Variants in SLC5A4 observed in about 807,000 individuals in gnomAD.
The protein encoded by SLC5A4 is solute carrier family 5 member 4, also known as probable glucose sensor protein SLC5A4.
Under a neutral mutation model 70.3 loss-of-function variants are expected in SLC5A4, and 55 were observed. The observed-to-expected ratio is 0.78, with a 90% CI of 0.63 to 0.98. The LOEUF is 0.98. Among genes scored for constraint, SLC5A4 ranks in the 50% least tolerant of loss-of-function variants. SLC5A4 has a pLI of 0.00. For missense variants in SLC5A4, 735 were observed against 839.2 expected, an observed-to-expected ratio of 0.88 and a Z score of 1.53; for synonymous variants, 268 against 305.7, an observed-to-expected ratio of 0.88 and a Z score of 1.29.
the SLC5A4 span, among the ~76,000 whole-genome samples, chr22:32,321,890 G>C: frequency 2.6e-5 from 4 of 152,360 alleles, no homozygotes; most frequent in East Asian, 7.7e-4. Flanking sequence ...GCCTATGGCA[G>C]AATGCATAGG....
At chr22:32,230,865 T>C (rs76519641) in intron 10 of SLC5A4, 103 bp downstream of exon 10, 21,704 of 704,554 alleles carry the variant, frequency 0.031, 531 homozygotes, top group African/African-American at 0.084. Context: ...GTCTGATGAG[T>C]TGGATTGAAT....
the SLC5A4 span, chr22:32,271,265 C>T: frequency 1.3e-6 from 1 of 770,810 alleles, no homozygotes; most frequent in Non-Finnish European, 2.3e-6. Flanking sequence ...ATGGACAGCT[C>T]CTTTGGAGAG....
chr22:32,241,773 ATATGTGTGTG>A (rs917647178), intron 5 of SLC5A4, among the ~76,000 whole-genome samples: 4 of 140,808 alleles, frequency 2.8e-5, no homozygotes, highest in African/African-American at 1.2e-4. Flanking sequence ...TTACATATAT[ATATGTGTGTG>A]TGTGTGTGTG....
At chr22:32,326,954 A>AC in the SLC5A4 span, among the ~76,000 whole-genome samples, 9 of 152,082 alleles carry the variant, frequency 5.9e-5, no homozygotes, top group Non-Finnish European at 1.0e-4. Context: ...AAATGGACTC[A>AC]CCCCCGCAGC....
At position 32,218,655 on chromosome 22, in the gene SLC5A4, G is replaced by A; in HGVS notation, c.1839C>T (p.Pro613=). Residue 613 remains proline, a synonymous_variant, in exon 15 of 15, where the codon CCC becomes CCT. Transcript: ENST00000266086. ...YDLFCGLQKG[P]KLTKEEEEAL... ...CTTCCTCCTCCTCCTTGGTTAGCTTGGGTCCCTTCTGCAAACCGCAGAACA... is the reference window on the plus strand; with the variant it reads ...CTTCCTCCTCCTCCTTGGTTAGCTTAGGTCCCTTCTGCAAACCGCAGAACA... 1 of 1,613,900 alleles carries A rather than the reference G, an allele frequency of 6.2e-7. No homozygotes were observed. Among genetic ancestry groups the A allele is most frequent in the South Asian group, 1.1e-5 (1 of 91,066 alleles).
At chr22:32,263,823 G>C in the SLC5A4 span, among the ~76,000 whole-genome samples, 1 of 152,128 alleles carries the variant, frequency 6.6e-6, no homozygotes, top group South Asian at 2.1e-4. Flanking sequence ...TGGTAGACTG[G>C]ATAAAGAAAA....
At chr22:32,265,494 C>T in the SLC5A4 span, among the ~76,000 whole-genome samples, 1 of 152,064 alleles carries the variant, frequency 6.6e-6, no homozygotes, top group Non-Finnish European at 1.5e-5. Context: ...ATGAAGGAAA[C>T]CAGATTGATT....
chr22:32,259,937 T>C (rs1283951937), upstream of SLC5A4, among the ~76,000 whole-genome samples: 3 of 152,154 alleles, frequency 2.0e-5, no homozygotes, highest in Non-Finnish European at 4.4e-5. Flanking sequence ...GGGATGATTG[T>C]GGGTACAAGG....
intron 9 of SLC5A4, among the ~76,000 whole-genome samples, chr22:32,231,573 T>C (rs1925765216): frequency 6.6e-6 from 1 of 152,268 alleles, no homozygotes; most frequent in African/African-American, 2.4e-5. Context: ...AATACCTTGT[T>C]GGTTTTTTGT....
the SLC5A4 span, among the ~76,000 whole-genome samples, chr22:32,340,938 A>G: frequency 1.3e-5 from 2 of 152,160 alleles, no homozygotes; most frequent in Non-Finnish European, 2.9e-5. Context: ...CATCCTGGCC[A>G]AAGACGACGG....
At chr22:32,347,150 A>G in the SLC5A4 span, among the ~76,000 whole-genome samples, 1 of 152,216 alleles carries the variant, frequency 6.6e-6, no homozygotes, top group South Asian at 2.1e-4. Flanking sequence ...CAAAATCACA[A>G]TGAGATACCA....
the SLC5A4 span, among the ~76,000 whole-genome samples, chr22:32,310,481 G>T: frequency 6.7e-6 from 1 of 150,034 alleles, no homozygotes; most frequent in African/African-American, 2.5e-5. Flanking sequence ...CTAGCAGACA[G>T]GCTGTGCACC....
chr22:32,223,675 A>G (rs1925215387), intron 13 of SLC5A4, among the ~76,000 whole-genome samples: 1 of 152,124 alleles, frequency 6.6e-6, no homozygotes, highest in Non-Finnish European at 1.5e-5. Flanking sequence ...GGAAACACCA[A>G]TTATTCTCTT....
the SLC5A4 span, among the ~76,000 whole-genome samples, chr22:32,311,732 G>A: frequency 6.6e-6 from 1 of 152,106 alleles, no homozygotes; most frequent in African/African-American, 2.4e-5. Context: ...CCCAGCATGG[G>A]GCCTGGCGCA....
At chr22:32,341,231 G>A in the SLC5A4 span, among the ~76,000 whole-genome samples, 7 of 152,240 alleles carry the variant, frequency 4.6e-5, no homozygotes, top group Non-Finnish European at 7.4e-5. Flanking sequence ...GTGGGTCTGG[G>A]TGGGGGTCCC....
chr22:32,245,988 A>G (rs945024602), intron 5 of SLC5A4, among the ~76,000 whole-genome samples: 2 of 152,156 alleles, frequency 1.3e-5, no homozygotes, highest in African/African-American at 4.8e-5. Flanking sequence ...GGAATACTTA[A>G]GTGCCCTCTC....
At chr22:32,351,748 C>CGG in the SLC5A4 span, among the ~76,000 whole-genome samples, 157 of 11,830 alleles carry the variant, frequency 0.013, 3 homozygotes, top group Admixed American at 0.017. Context: ...GGGGGGAGGG[C>CGG]GGGGGGGGGG....
At chr22:32,326,938 G>A in the SLC5A4 span, among the ~76,000 whole-genome samples, 3 of 152,176 alleles carry the variant, frequency 2.0e-5, no homozygotes, top group African/African-American at 4.8e-5. Context: ...ACTGGAGCAG[G>A]CAAGGAAATG....
the SLC5A4 span, among the ~76,000 whole-genome samples, chr22:32,350,393 T>C: frequency 6.6e-6 from 1 of 152,218 alleles, no homozygotes; most frequent in Admixed American, 6.5e-5. Context: ...GCACTTGGTA[T>C]GGTAGCTCAT....
Sources: allele counts gnomAD v4.1 joint callset (sites outside exome capture counted in the v4.1 genomes callset), GRCh38; gene constraint gnomAD v4.1.1; transcripts MANE v1.5; gene names NCBI Gene and HGNC (gene_info 2026-07-23, HGNC 2026-07-21).